Variants in TTC6 observed in about 807,000 individuals in gnomAD.
TTC6 encodes tetratricopeptide repeat domain 6, also known as tetratricopeptide repeat protein 6.
A neutral mutation model predicts 210.4 loss-of-function variants in TTC6; 172 were observed. That is an observed-to-expected ratio of 0.82 (90% CI 0.72 to 0.93). The LOEUF (loss-of-function observed/expected upper bound fraction) is 0.93, where lower values mean the gene tolerates loss of function less well. TTC6 is among the 40% of genes least tolerant of loss of function. TTC6 has a pLI of 0.00. For missense variants in TTC6, 2,414 were observed against 2,318.1 expected (o/e 1.04, Z -0.85); for synonymous variants, 804 against 819.6 (o/e 0.98, Z 0.32).
intron 24 of TTC6, 22 bp from the exon 27 acceptor site, chr14:37,812,292 T>C (rs763018200): frequency 1.2e-6 from 2 of 1,606,096 alleles, no homozygotes; most frequent in Non-Finnish European, 1.7e-6. Context: ...GTTGAATCTA[T>C]GTTACAAATG....
intron 29 of TTC6, among the ~76,000 whole-genome samples, chr14:37,832,127 CAG>C (rs1260822957): frequency 1.2e-4 from 18 of 151,986 alleles, no homozygotes; most frequent in Non-Finnish European, 5.9e-5. Flanking sequence ...TAAGGAGAGA[CAG>C]GGGTCTAGTT....
chr14:37,696,445 A>G (rs1245829048), intron 3 of TTC6, among the ~76,000 whole-genome samples: 2 of 152,164 alleles, frequency 1.3e-5, no homozygotes, highest in African/African-American at 4.8e-5. Flanking sequence ...GAGTGCACTT[A>G]TGGAGGGAAA....
At chr14:37,691,828 C>T (rs1957594) in intron 3 of TTC6, among the ~76,000 whole-genome samples, 151,657 of 152,236 alleles carry the variant, frequency 1, 75,547 homozygotes, top group Middle Eastern at 1. Context: ...AAGATCCAAA[C>T]AAATAAACTC....
intron 14 of TTC6, among the ~76,000 whole-genome samples, chr14:37,767,500 T>TG (rs1239151517): frequency 4.6e-5 from 7 of 152,210 alleles, no homozygotes; most frequent in African/African-American, 1.7e-4. Flanking sequence ...TTCTAACTGG[T>TG]GTGAGATGGT....
At chr14:37,800,406 T>G (rs1342184102) in intron 20 of TTC6, among the ~76,000 whole-genome samples, 2 of 152,168 alleles carry the variant, frequency 1.3e-5, no homozygotes, top group Non-Finnish European at 2.9e-5. Flanking sequence ...AAAGGAGAGA[T>G]AAGTTAAGAA....
intron 1 of TTC6, among the ~76,000 whole-genome samples, chr14:37,654,623 G>A (rs1406468437): frequency 6.6e-6 from 1 of 152,062 alleles, no homozygotes; most frequent in Non-Finnish European, 1.5e-5. Context: ...TGTGAGAAAG[G>A]ACTAATACAA....
chr14:37,741,794 A>G (rs1289406370), intron 10 of TTC6, among the ~76,000 whole-genome samples: 1 of 152,146 alleles, frequency 6.6e-6, no homozygotes, highest in East Asian at 1.9e-4. Flanking sequence ...TCTCACCCAG[A>G]TTCATGCATT....
intron 1 of TTC6, among the ~76,000 whole-genome samples, chr14:37,600,473 C>T (rs1178041405): frequency 6.6e-6 from 1 of 152,068 alleles, no homozygotes; most frequent in South Asian, 2.1e-4. Context: ...CCGGCCAGCC[C>T]CCGCCAATCC....
intron 29 of TTC6, among the ~76,000 whole-genome samples, chr14:37,838,667 T>C (rs1052160181): frequency 3.3e-5 from 5 of 152,120 alleles, no homozygotes; most frequent in African/African-American, 1.2e-4. Context: ...TTCTTTCTTC[T>C]TTTTTTTCTT....
At chr14:37,795,328 A>C in exon 18 of TTC6, 1 of 1,531,114 alleles carries the variant, frequency 6.5e-7, no homozygotes, top group Non-Finnish European at 8.7e-7. Flanking sequence ...CTTCAGCCAG[A>C]TGGAATCCAA....
At chr14:37,692,445 C>A (rs535926318) in intron 3 of TTC6, among the ~76,000 whole-genome samples, 1 of 151,952 alleles carries the variant, frequency 6.6e-6, no homozygotes, top group African/African-American at 2.4e-5. Flanking sequence ...AAGACAAAAA[C>A]CTTATGATCA....
At chr14:37,746,452 A>G (rs1333835158) in intron 10 of TTC6, among the ~76,000 whole-genome samples, 2 of 152,200 alleles carry the variant, frequency 1.3e-5, no homozygotes, top group African/African-American at 2.4e-5. Flanking sequence ...TTAGAGGTGC[A>G]AGTTCTAGAA....
intron 1 of TTC6, among the ~76,000 whole-genome samples, chr14:37,657,885 A>G (rs961600471): frequency 1.3e-5 from 2 of 152,172 alleles, no homozygotes; most frequent in Admixed American, 6.5e-5. Context: ...CGTTAAAAAC[A>G]TTTTTGTCTG....
rs181794640 is a variant in TTC6 at position 37,639,328 on chromosome 14, A to C, written c.939+16325A>C. 2.8e-4 allele frequency among the ~76,000 whole-genome samples: 42 copies of C among 152,300 alleles called. 1 individual carries two copies. The highest frequency in any genetic ancestry group is 2.7e-3 in the Admixed American group (42 of 15,294). On this transcript the variant is annotated intron_variant, in intron 1 of 30. Transcript: ENST00000553443. The stretch of plus-strand genomic sequence containing the variant: ...CAATTGGAAGGGACTCATTTGGGCA[A>C]ATCTTTTCTACTGAAAACTACAGAC...
At chr14:37,725,235 A>G (rs966720203) in intron 7 of TTC6, among the ~76,000 whole-genome samples, 1 of 140,484 alleles carries the variant, frequency 7.1e-6, no homozygotes, top group African/African-American at 2.6e-5. Context: ...TTATATGTTC[A>G]TATGTGTGTG....
chr14:37,658,421 AGT>A (rs1309436482), intron 1 of TTC6, among the ~76,000 whole-genome samples: 1 of 152,206 alleles, frequency 6.6e-6, no homozygotes, highest in African/African-American at 2.4e-5. Context: ...GTTACTTGAA[AGT>A]GTGTGTGAGG....
At chr14:37,689,020 G>A (rs961229188) in intron 3 of TTC6, among the ~76,000 whole-genome samples, 1 of 152,088 alleles carries the variant, frequency 6.6e-6, no homozygotes, top group African/African-American at 2.4e-5. Flanking sequence ...AAAATATATA[G>A]AGACATCAAA....
intron 21 of TTC6, among the ~76,000 whole-genome samples, chr14:37,806,148 C>A (rs867974618): frequency 4.6e-5 from 7 of 152,014 alleles, no homozygotes; most frequent in African/African-American, 1.7e-4. Flanking sequence ...ATTATGTAGA[C>A]CTAGTCTGCC....
At chr14:37,729,281 T>A (rs2095880012) in intron 7 of TTC6, among the ~76,000 whole-genome samples, 1 of 152,214 alleles carries the variant, frequency 6.6e-6, no homozygotes, top group Middle Eastern at 3.2e-3. Flanking sequence ...AAGTTAATGA[T>A]ATAAAGTGTA....
Sources: allele counts gnomAD v4.1 joint callset (sites outside exome capture counted in the v4.1 genomes callset), GRCh38; gene constraint gnomAD v4.1.1; transcripts MANE v1.5; gene names NCBI Gene and HGNC (gene_info 2026-07-23, HGNC 2026-07-21).